Variants in SAMD12 observed in about 807,000 individuals in gnomAD.
SAMD12 encodes the protein sterile alpha motif domain-containing protein 12.
SAMD12 carries 9 observed loss-of-function variants against 15.0 expected under a neutral mutation model. The observed-to-expected ratio is 0.60, with a 90% confidence interval of 0.36 to 1.05. The LOEUF (loss-of-function observed/expected upper bound fraction) is 1.05, where lower values mean the gene tolerates loss of function less well. Among genes scored for constraint, SAMD12 ranks in the 50% least tolerant of loss-of-function variants. The probability of loss-of-function intolerance (pLI) is 0.01; values close to 1 mark genes in which losing one functional copy is unlikely to be tolerated. For missense variants in SAMD12, 230 were observed against 234.2 expected (o/e 0.98, Z 0.12); for synonymous variants, 86 against 90.1 (o/e 0.96, Z 0.25).
At chr8:118,486,241 C>T (rs548515692) in intron 2 of SAMD12, among the ~76,000 whole-genome samples, 21 of 149,394 alleles carry the variant, frequency 1.4e-4, no homozygotes, top group South Asian at 2.1e-4. Flanking sequence ...GGTGAAACTC[C>T]GTCTCTACTA....
chr8:118,468,224 C>G (rs1342375380), intron 2 of SAMD12, among the ~76,000 whole-genome samples: 1 of 152,166 alleles, frequency 6.6e-6, no homozygotes, highest in Non-Finnish European at 1.5e-5. Context: ...ACAGCTGTGG[C>G]AAGCTGGCCA....
At chr8:118,175,102 C>T in the SAMD12 span, among the ~76,000 whole-genome samples, 1 of 150,442 alleles carries the variant, frequency 6.6e-6, no homozygotes, top group African/African-American at 2.4e-5. Flanking sequence ...TCAAACTATA[C>T]TACAAGGCTA....
chr8:118,496,624 GA>G (rs1824621329), intron 2 of SAMD12, among the ~76,000 whole-genome samples: 1 of 152,056 alleles, frequency 6.6e-6, no homozygotes, highest in South Asian at 2.1e-4. Flanking sequence ...AACCCTAGAA[GA>G]AAACCTAGAA....
At chr8:118,132,970 G>GTGTGTGTGTA in the SAMD12 span, among the ~76,000 whole-genome samples, 18 of 67,534 alleles carry the variant, frequency 2.7e-4, 1 homozygote, top group African/African-American at 1.2e-3. Flanking sequence ...ATGTGTGTGT[G>GTGTGTGTGTA]TGTATATATA....
chr8:118,410,476 G>A (rs1821355635), intron 3 of SAMD12, among the ~76,000 whole-genome samples: 1 of 152,176 alleles, frequency 6.6e-6, no homozygotes, highest in Non-Finnish European at 1.5e-5. Context: ...GGATCTGAGT[G>A]GGTTTGTGTT....
intron 3 of SAMD12, among the ~76,000 whole-genome samples, chr8:118,388,864 G>C (rs1043190680): frequency 1.3e-5 from 2 of 152,168 alleles, no homozygotes; most frequent in Non-Finnish European, 2.9e-5. Flanking sequence ...CCAGAGCTGG[G>C]AAAGAGTAAA....
rs1822845762 is a variant in SAMD12, at chr8:118,444,382, C to CCTGGCCTTT, written c.193-4422_193-4421insAAAGGCCAG. 2.0e-5 allele frequency among the ~76,000 whole-genome samples: 3 copies of CCTGGCCTTT among 152,252 alleles called. No homozygotes were observed. The South Asian group carries it at 6.2e-4, about 32-fold the overall frequency. On this transcript the variant is annotated intron_variant, in intron 2 of 3. Transcript: ENST00000314727. ...ATGCATAGTGACACCAAGCAGAATTCCAGACATTTCCTTTCTGAATTGGTC... is the reference window on the plus strand; with the variant it reads ...ATGCATAGTGACACCAAGCAGAATTCCTGGCCTTTCAGACATTTCCTTTCTGAATTGGTC...
intron 2 of SAMD12, among the ~76,000 whole-genome samples, chr8:118,476,164 G>C (rs1258613963): frequency 6.6e-6 from 1 of 152,164 alleles, no homozygotes. Flanking sequence ...TGAATGAAAA[G>C]AGGAGTCAAA....
intron 2 of SAMD12, among the ~76,000 whole-genome samples, chr8:118,577,590 A>G (rs1210711587): frequency 6.6e-6 from 1 of 152,192 alleles, no homozygotes; most frequent in Non-Finnish European, 1.5e-5. Context: ...CCAGGTTCCC[A>G]GTGAGAAGTC....
intron 2 of SAMD12, among the ~76,000 whole-genome samples, chr8:118,449,393 T>C (rs1159812014): frequency 3.3e-5 from 5 of 151,782 alleles, no homozygotes; most frequent in African/African-American, 9.7e-5. Flanking sequence ...CCAGCCAACT[T>C]GAGCTGTAGG....
intron 4 of SAMD12, among the ~76,000 whole-genome samples, chr8:118,323,052 C>T (rs375003520): frequency 6.6e-6 from 1 of 152,018 alleles, no homozygotes; most frequent in African/African-American, 2.4e-5. Flanking sequence ...GTTGAAGGCC[C>T]TTTAGTCAGG....
intron 4 of SAMD12, among the ~76,000 whole-genome samples, chr8:118,212,643 C>G (rs747480132): frequency 1.3e-5 from 2 of 152,206 alleles, no homozygotes; most frequent in Admixed American, 1.3e-4. Flanking sequence ...ATTTGCCTCA[C>G]TAATGGCACT....
intron 2 of SAMD12, among the ~76,000 whole-genome samples, chr8:118,500,667 G>A (rs1025972394): frequency 2.0e-5 from 3 of 151,994 alleles, no homozygotes; most frequent in East Asian, 2.0e-4. Flanking sequence ...TTAGCTGGGC[G>A]TGGTGGCAGG....
At chr8:118,169,498 G>C in the SAMD12 span, among the ~76,000 whole-genome samples, 2,145 of 152,264 alleles carry the variant, frequency 0.014, 87 homozygotes, top group East Asian at 0.11. Context: ...CTTTGTTCCT[G>C]TGGGAATACA....
chr8:118,393,790 T>C (rs540109605), intron 3 of SAMD12, among the ~76,000 whole-genome samples: 1 of 151,894 alleles, frequency 6.6e-6, no homozygotes, highest in Non-Finnish European at 1.5e-5. Context: ...TTAGTAGAGA[T>C]GGTGTTTCAC....
At chr8:118,211,663 T>G (rs2129820043) in intron 4 of SAMD12, among the ~76,000 whole-genome samples, 1 of 152,308 alleles carries the variant, frequency 6.6e-6, no homozygotes, top group Admixed American at 6.5e-5. Flanking sequence ...ATGAGGCCCT[T>G]ATAAAACTCT....
At chr8:118,155,987 A>G in the SAMD12 span, among the ~76,000 whole-genome samples, 1 of 152,250 alleles carries the variant, frequency 6.6e-6, no homozygotes, top group African/African-American at 2.4e-5. Flanking sequence ...TGTATCATAA[A>G]TCATACCTTT....
intron 4 of SAMD12, among the ~76,000 whole-genome samples, chr8:118,338,462 A>G (rs1054421453): frequency 6.6e-6 from 1 of 152,226 alleles, no homozygotes; most frequent in African/African-American, 2.4e-5. Context: ...TTGAATTCCA[A>G]TGTGGAAACG....
rs566083256 is a variant in SAMD12 at position 118,358,446 on chromosome 8, T to C, written c.433+21114A>G. On this transcript the variant is annotated intron_variant, in intron 4 of 4. Transcript: ENST00000409003. Reference sequence around the variant, plus strand: ...TTAAGTCTCACATGCCCTCTCACCATAGGTTTTTTCCAACAACCAGCGGCC... The same window carrying C: ...TTAAGTCTCACATGCCCTCTCACCACAGGTTTTTTCCAACAACCAGCGGCC... 4.6e-5 allele frequency among the ~76,000 whole-genome samples: 7 copies of C among 152,320 alleles called. No homozygotes were observed. The South Asian group carries it at 1.2e-3, about 27-fold the overall frequency.
Sources: gnomAD v4.1 joint callset for allele counts (sites outside exome capture counted in the v4.1 genomes callset) on GRCh38, gnomAD v4.1.1 for gene constraint, MANE v1.5 for transcripts, NCBI Gene and HGNC (gene_info 2026-07-23, HGNC 2026-07-21) for gene names.